DNAH8: variants seen among roughly 807,000 people sequenced by gnomAD.
DNAH8 encodes axonemal beta dynein heavy chain 8.
A neutral mutation model predicts 562.1 loss-of-function variants in DNAH8; 382 were observed. That is an observed-to-expected ratio of 0.68 (90% CI 0.63 to 0.74). DNAH8 has a LOEUF of 0.74. Among genes scored for constraint, DNAH8 ranks in the 30% least tolerant of loss-of-function variants. The probability of loss-of-function intolerance (pLI) is 0.00; values close to 1 mark genes in which losing one functional copy is unlikely to be tolerated. For missense variants in DNAH8, 5,203 were observed against 5,620.4 expected (o/e 0.93, Z 2.37); for synonymous variants, 1,881 against 1,919.4 (o/e 0.98, Z 0.52).
rs1271183567 is a variant in DNAH8 at position 38,770,529 on chromosome 6, A to T, written c.1734A>T (p.Lys578Asn). ...TTTCAGAAATGTATATATTTGGAAA[A>T]TTTGAAGCTTTTTGCAAAAGACTGG... is the stretch of plus-strand genomic sequence containing the variant. ...FEVSEMYIFGKFEAFCKRLEK... is the reference protein window; with the variant it reads ...FEVSEMYIFGNFEAFCKRLEK... The change falls in exon 12 of 93, where the codon AAA becomes AAT. Residue 578 changes from lysine (K) to asparagine (N), a missense_variant. By Grantham distance (94) the Lys-to-Asn change is moderately conservative. Coordinates refer to ENST00000327475, the MANE Select transcript of DNAH8 (RefSeq NM_001206927.2). 1.2e-6 allele frequency: 2 copies of T among 1,603,164 alleles called. No individual in the cohort carries two copies. Among genetic ancestry groups the T allele is most frequent in the Admixed American group, 1.8e-5 (1 of 56,706 alleles).
At chr6:38,820,276 G>T (rs962961924) in intron 26 of DNAH8, among the ~76,000 whole-genome samples, 1 of 152,138 alleles carries the variant, frequency 6.6e-6, no homozygotes, top group African/African-American at 2.4e-5. Flanking sequence ...AAATACTCAT[G>T]TTTATGAAAA....
intron 21 of DNAH8, among the ~76,000 whole-genome samples, chr6:38,792,133 G>C (rs889395706): frequency 1.3e-5 from 2 of 152,054 alleles, no homozygotes; most frequent in East Asian, 3.8e-4. Flanking sequence ...TGTCACCCAG[G>C]CTGGAATACA....
At position 39,030,286 on chromosome 6, in the gene DNAH8, C is replaced by G. The variant is rs1375982831; in HGVS notation, c.14018C>G (p.Pro4673Arg). The change falls in exon 93 of 93, where the codon CCC becomes CGC. Residue 4673 changes from proline to arginine, a missense_variant. Physicochemically the swap from Pro to Arg is moderately radical, Grantham distance 103. This residue lies in a region of DNAH8 where 1,399 missense variants were observed against 1,518.4 expected (regional missense o/e 0.92). Transcript: ENST00000327475. ...KLYVCPIYKK[P>R]RRTDLTFITV... ...TATGTGTGTCCTATTTACAAGAAAC[C>G]CAGGCGAACTGATTTGACCTTCATC... is the stretch of plus-strand genomic sequence containing the variant. 1 of 1,613,988 alleles carries G rather than the reference C, an allele frequency of 6.2e-7. No individual in the cohort carries two copies. Among genetic ancestry groups the G allele is most frequent in the African/African-American group, 1.3e-5 (1 of 74,904 alleles).
chr6:38,969,173 G>A (rs1189828392), intron 82 of DNAH8, among the ~76,000 whole-genome samples: 1 of 152,050 alleles, frequency 6.6e-6, no homozygotes, highest in East Asian at 1.9e-4. Flanking sequence ...AAATGTTCTG[G>A]AATTAGATGA....
At chr6:39,011,974 C>T (rs1300549293) in intron 89 of DNAH8, among the ~76,000 whole-genome samples, 1 of 152,124 alleles carries the variant, frequency 6.6e-6, no homozygotes, top group Non-Finnish European at 1.5e-5. Flanking sequence ...GGTACATTTC[C>T]AATTATTAGC....
chr6:38,826,348 G>C lies in DNAH8; in HGVS notation c.4040G>C (p.Arg1347Pro). 6.2e-7 allele frequency: 1 copy of C among 1,611,876 alleles called. No homozygotes were observed. Reference sequence around the variant, plus strand: ...GCAATGGAAGCCTTGTCTTGCATACGTGATAATGAAATTCAAATGGACATG... The same window carrying C: ...GCAATGGAAGCCTTGTCTTGCATACCTGATAATGAAATTCAAATGGACATG... Reference protein sequence around the residue: ...RFAMEALSCIRDNEIQMDMTL... With the variant: ...RFAMEALSCIPDNEIQMDMTL... Residue 1347 changes from arginine to proline, a missense_variant, in exon 29 of 93, where the codon CGT becomes CCT. Transcript: ENST00000327475.
intron 29 of DNAH8, among the ~76,000 whole-genome samples, chr6:38,827,811 A>G (rs891839705): frequency 3.6e-5 from 4 of 111,332 alleles, no homozygotes; most frequent in African/African-American, 7.2e-5. Flanking sequence ...AGCCTGGATC[A>G]TTCAAGTTTC....
intron 53 of DNAH8, among the ~76,000 whole-genome samples, chr6:38,880,151 G>T (rs902147532): frequency 6.6e-6 from 1 of 152,196 alleles, no homozygotes; most frequent in Non-Finnish European, 1.5e-5. Flanking sequence ...GGAGGCTGAG[G>T]CATGAGAATA....
intron 12 of DNAH8, among the ~76,000 whole-genome samples, chr6:38,774,810 T>C (rs1582969526): frequency 6.6e-6 from 1 of 152,294 alleles, no homozygotes; most frequent in Non-Finnish European, 1.5e-5. Context: ...AGTTCCTGTG[T>C]TTATATAGAG....
At chr6:38,852,896 G>T in intron 40 of DNAH8, 98 bp downstream of exon 40, 1 of 918,860 alleles carries the variant, frequency 1.1e-6, no homozygotes. Flanking sequence ...GGAGGAGAGG[G>T]AGTTCTCATT....
Position 38,750,603 on chromosome 6 carries a change from T to C in DNAH8, c.1407+14T>C, listed in dbSNP as rs1206527569. The C allele has an allele frequency of 3.3e-6, 5 of 1,511,624 alleles. No homozygotes were observed. The Admixed American group carries it at 8.7e-5, about 26-fold the overall frequency. 93.6% of individuals were successfully genotyped at this position (1,511,624 alleles called of 1,614,324 possible). A position where few individuals can be genotyped will look rare whatever the true frequency, so the allele number is the denominator to read the frequency against. ...AACCATGACCTAGTAAGTATGCTTTTAAAGTACAATTTTAAACTGAGGGCA... is the reference window on the plus strand; with the variant it reads ...AACCATGACCTAGTAAGTATGCTTTCAAAGTACAATTTTAAACTGAGGGCA... On this transcript the variant is annotated intron_variant, in intron 9 of 92. Transcript: ENST00000327475.
chr6:38,839,526 A>T (rs901648025), intron 33 of DNAH8, among the ~76,000 whole-genome samples: 15 of 151,712 alleles, frequency 9.9e-5, no homozygotes, highest in South Asian at 2.1e-4. Context: ...GGTAATTTTT[A>T]AAAAATTTTT....
chr6:38,849,470 A>G (rs867879852), intron 37 of DNAH8, among the ~76,000 whole-genome samples: 2 of 152,152 alleles, frequency 1.3e-5, no homozygotes, highest in Non-Finnish European at 2.9e-5. Flanking sequence ...GATGAAGGTA[A>G]CTTTGCTATT....
intron 24 of DNAH8, among the ~76,000 whole-genome samples, chr6:38,813,482 A>G (rs1355001674): frequency 3.3e-5 from 5 of 152,104 alleles, no homozygotes; most frequent in African/African-American, 1.2e-4. Context: ...CCAGAGAAAA[A>G]GAGAATGGAC....
intron 35 of DNAH8, among the ~76,000 whole-genome samples, chr6:38,844,493 G>A (rs1775119554): frequency 6.6e-6 from 1 of 152,022 alleles, no homozygotes; most frequent in Non-Finnish European, 1.5e-5. Context: ...AAGCATTTTT[G>A]TCCTATTTGT....
intron 79 of DNAH8, among the ~76,000 whole-genome samples, chr6:38,944,210 T>C (rs1218319733): frequency 6.6e-6 from 1 of 152,170 alleles, no homozygotes; most frequent in African/African-American, 2.4e-5. Context: ...ATACTGTTGC[T>C]CCAGTGAGAC....
At position 38,868,062 on chromosome 6, in the gene DNAH8, GTTCA is replaced by G. The variant is rs1777192284; in HGVS notation, c.6697_6700del (p.His2233MetfsTer5). 6.2e-7 allele frequency: 1 copy of G among 1,605,572 alleles called. No individual in the cohort carries two copies. The highest frequency in any genetic ancestry group is 1.1e-5 in the South Asian group (1 of 88,590). On this transcript the variant is annotated frameshift_variant and splice_region_variant, in exon 48 of 93. Transcript: ENST00000327475. LOFTEE classifies it high-confidence loss of function. ...TTTTTGCCCTCTTCTCCCATCTCAG[GTTCA>G]TTATGACTTTGGATTGAGAAATATT...
intron 24 of DNAH8, among the ~76,000 whole-genome samples, chr6:38,808,481 T>C (rs1300922607): frequency 1.3e-5 from 2 of 152,232 alleles, no homozygotes; most frequent in Non-Finnish European, 2.9e-5. Context: ...TTGTTGTTTC[T>C]CTTCCTTAAA....
intron 37 of DNAH8, among the ~76,000 whole-genome samples, chr6:38,849,726 A>G (rs934905954): frequency 7.9e-5 from 12 of 152,302 alleles, no homozygotes; most frequent in Non-Finnish European, 1.6e-4. Context: ...TTTTGCAGCT[A>G]AGTACAAAGC....
Sources: gnomAD v4.1 joint callset for allele counts (sites outside exome capture counted in the v4.1 genomes callset) on GRCh38, gnomAD v4.1.1 for gene constraint, gnomAD v4.1.1 regional missense constraint, MANE v1.5 for transcripts, NCBI Gene and HGNC (gene_info 2026-07-23, HGNC 2026-07-21) for gene names.